FREM1: variants seen among roughly 807,000 people sequenced by gnomAD.
The protein encoded by FREM1 is FRAS1 related extracellular matrix 1, also known as FRAS1-related extracellular matrix protein 1.
FREM1 carries 220 observed loss-of-function variants against 210.1 expected under a neutral mutation model. The ratio of observed to expected loss-of-function variants is 1.05; its 90% CI spans 0.94 to 1.17. The LOEUF (loss-of-function observed/expected upper bound fraction) is 1.17, where lower values mean the gene tolerates loss of function less well. Ranked by LOEUF, FREM1 falls within the 50% of genes most tolerant of loss-of-function variation. The pLI is 0.00. For synonymous variants in FREM1, 1,189 were observed against 980.2 expected (o/e 1.21, Z -3.98); for missense variants, 3,454 against 2,675.5 (o/e 1.29, Z -6.42).
intron 1 of FREM1, among the ~76,000 whole-genome samples, chr9:14,877,537 A>C (rs953632807): frequency 2.6e-5 from 4 of 151,930 alleles, no homozygotes; most frequent in Non-Finnish European, 5.9e-5. Context: ...CAGAATCTGT[A>C]ACACTTCCAA....
At chr9:14,889,957 G>C (rs532185880) in intron 1 of FREM1, among the ~76,000 whole-genome samples, 2 of 152,346 alleles carry the variant, frequency 1.3e-5, no homozygotes, top group East Asian at 3.9e-4. Flanking sequence ...AAAGATGTGT[G>C]AGCTGAGGGT....
rs146615781 is a variant in FREM1, at chr9:14,902,122, A to C, written c.-268+7792T>G. ...TGGCCTCCCGAAGTGCTAGGATTAC[A>C]GGCATGAGCCACCACACTTGGCTGT... On this transcript the variant is annotated intron_variant, in intron 1 of 36. Transcript: ENST00000380880. 3.9e-3 allele frequency among the ~76,000 whole-genome samples: 601 copies of C among 152,174 alleles called. 5 individuals carry two copies. The highest frequency in any genetic ancestry group is 0.014 in the African/African-American group (563 of 41,504).
At chr9:14,798,302 G>T (rs189920562) in intron 20 of FREM1, among the ~76,000 whole-genome samples, 57 of 152,242 alleles carry the variant, frequency 3.7e-4, no homozygotes, top group African/African-American at 1.3e-3. Flanking sequence ...GTATTTTAAA[G>T]ATAGTTGTAT....
intron 3 of FREM1, among the ~76,000 whole-genome samples, chr9:14,863,314 C>T (rs1174995584): frequency 1.4e-5 from 2 of 144,392 alleles, no homozygotes; most frequent in African/African-American, 5.2e-5. Context: ...GCACTCCAGC[C>T]TGGGTGACAG....
intron 1 of FREM1, among the ~76,000 whole-genome samples, chr9:14,895,026 C>T (rs1371597050): frequency 5.3e-5 from 8 of 152,136 alleles, no homozygotes; most frequent in Admixed American, 5.2e-4. Flanking sequence ...TGGTGGTAAA[C>T]AAAGAATGTC....
rs138644939 is a variant in FREM1, at chr9:14,819,833, A to C, written c.2338-391T>G. Among the ~76,000 whole-genome samples the C allele has an allele frequency of 3.0e-3, 459 of 152,306 alleles. 3 individuals carry two copies. The highest frequency in any genetic ancestry group is 0.01 in the African/African-American group (427 of 41,574). On this transcript the variant is annotated intron_variant, in intron 13 of 36. Transcript: ENST00000380880. ...ACAGCTTAGTCTAAAAAATACACAA[A>C]ATCTATGTCAAATTCCCCTGAAGGA...
At chr9:14,790,704 T>C (rs1851156748) in intron 22 of FREM1, 1 of 152,128 alleles carries the variant, frequency 6.6e-6, no homozygotes, top group Non-Finnish European at 1.5e-5. Context: ...AAACGATAAC[T>C]CTTGGGAGAG....
chr9:14,812,189 G>C (rs543268157), intron 16 of FREM1, among the ~76,000 whole-genome samples: 7 of 152,306 alleles, frequency 4.6e-5, no homozygotes, highest in Admixed American at 2.0e-4. Context: ...ATAAGTTACA[G>C]ATATCAGATG....
At chr9:14,886,156 G>A (rs563809475) in intron 1 of FREM1, among the ~76,000 whole-genome samples, 86 of 152,262 alleles carry the variant, frequency 5.6e-4, no homozygotes, top group African/African-American at 2.1e-3. Flanking sequence ...GGAGACCAAG[G>A]TGGGCGGATC....
chr9:14,802,762 T>C (rs894035511), intron 19 of FREM1, among the ~76,000 whole-genome samples: 1 of 152,196 alleles, frequency 6.6e-6, no homozygotes, highest in Non-Finnish European at 1.5e-5. Context: ...TAATCTGCAA[T>C]GTTACTATGC....
At chr9:14,751,124 G>T (rs1843296540) in intron 29 of FREM1, among the ~76,000 whole-genome samples, 1 of 152,114 alleles carries the variant, frequency 6.6e-6, no homozygotes, top group Non-Finnish European at 1.5e-5. Context: ...GATATCCCCT[G>T]AGTTTACTTA....
chr9:14,738,495 T>C (rs745475848), intron 36 of FREM1, among the ~76,000 whole-genome samples: 8 of 152,218 alleles, frequency 5.3e-5, no homozygotes, highest in Non-Finnish European at 1.0e-4. Context: ...GACAGAGCCT[T>C]GCAGTGAGTC....
chr9:14,885,187 CA>C (rs1334410647), intron 1 of FREM1, among the ~76,000 whole-genome samples: 2 of 151,814 alleles, frequency 1.3e-5, no homozygotes, highest in Admixed American at 6.6e-5. Context: ...GCCTCCCCAT[CA>C]TTGCTTTTTA....
In FREM1 at chr9:14,859,348, T is replaced by TA; in HGVS notation, c.465dup (p.Lys156Ter). On this transcript the variant is annotated frameshift_variant, in exon 4 of 37. Transcript: ENST00000380880. LOFTEE classifies it high-confidence loss of function. Reference sequence around the variant, plus strand: ...TCATAATCGAATCTGAGCAGATTTTTATCAATCGCTTGGGACAAGCCATTG... The same window carrying TA: ...TCATAATCGAATCTGAGCAGATTTTTAATCAATCGCTTGGGACAAGCCATTG... 6.2e-7 allele frequency: 1 copy of TA among 1,613,950 alleles called. No individual in the cohort carries two copies. Among genetic ancestry groups the TA allele is most frequent in the Non-Finnish European group, 8.5e-7 (1 of 1,179,866 alleles).
chr9:14,762,564 T>C (rs1845687877), intron 27 of FREM1, among the ~76,000 whole-genome samples: 1 of 152,176 alleles, frequency 6.6e-6, no homozygotes, highest in African/African-American at 2.4e-5. Context: ...GAATGCTGCA[T>C]AACGTTTATA....
At position 14,861,178 on chromosome 9, in the gene FREM1, T is replaced by C. The variant is rs533762457; in HGVS notation, c.330-1694A>G. Reference sequence around the variant, plus strand: ...ATACGTATATACACATGTATGTACATATATACACATATATACATATATACA... The same window carrying C: ...ATACGTATATACACATGTATGTACACATATACACATATATACATATATACA... On this transcript the variant is annotated intron_variant, in intron 3 of 36. Transcript: ENST00000380880. Among the ~76,000 whole-genome samples the C allele has an allele frequency of 2.4e-5, 3 of 127,322 alleles. 1 individual carries two copies. The Admixed American group carries it at 2.4e-4, about 10-fold the overall frequency. The allele number at this position is 127,322 out of a possible 152,430, so 83.5% of individuals were successfully genotyped here.
intron 25 of FREM1, among the ~76,000 whole-genome samples, chr9:14,775,472 G>A (rs950693677): frequency 5.3e-5 from 8 of 152,042 alleles, no homozygotes; most frequent in African/African-American, 1.4e-4. Context: ...TTGGGAGGCC[G>A]AGGCAGGTGG....
At chr9:14,750,381 C>G (rs964890883) in intron 29 of FREM1, 105 bp from the exon 30 acceptor site, 6 of 829,610 alleles carry the variant, frequency 7.2e-6, no homozygotes, top group African/African-American at 1.7e-5. Context: ...TGCAGTAGCC[C>G]GAGTGAGCTA....
intron 10 of FREM1, among the ~76,000 whole-genome samples, chr9:14,828,316 T>C (rs1408330261): frequency 3.3e-5 from 5 of 152,190 alleles, no homozygotes; most frequent in Admixed American, 2.0e-4. Flanking sequence ...CTTAATATTG[T>C]TTGCCCTGTT....
Sources: gnomAD v4.1 joint callset for allele counts (sites outside exome capture counted in the v4.1 genomes callset) on GRCh38, gnomAD v4.1.1 for gene constraint, MANE v1.5 for transcripts, NCBI Gene and HGNC (gene_info 2026-07-23, HGNC 2026-07-21) for gene names.